The following LUZP2 variants were observed in gnomAD, a reference collection of about 807,000 sequenced individuals.
LUZP2 encodes leucine zipper protein 2.
LUZP2 carries 52 observed loss-of-function variants against 51.6 expected under a neutral mutation model. That is an observed-to-expected ratio of 1.01 (90% CI 0.81 to 1.27). The LOEUF is 1.27. Ranked by LOEUF, LUZP2 falls within the 50% of genes most tolerant of loss-of-function variation. The pLI is 0.00. For synonymous variants in LUZP2, 154 were observed against 137.3 expected, an observed-to-expected ratio of 1.12 and a Z score of -0.85; for missense variants, 436 against 395.4, an observed-to-expected ratio of 1.10 and a Z score of -0.87.
intron 1 of LUZP2, among the ~76,000 whole-genome samples, chr11:24,715,810 C>T (rs1858021885): frequency 6.6e-6 from 1 of 151,978 alleles, no homozygotes; most frequent in Non-Finnish European, 1.5e-5. Flanking sequence ...TTAATGTTTG[C>T]ATATATTTTT....
rs147662548 is a variant in LUZP2 at position 24,994,024 on chromosome 11, C to T, written c.765+10731C>T. ...TACAGGCACGTGCCAACACGCCCGA[C>T]TAATTTTTGTATTTTTAGTAAAGAT... is the stretch of plus-strand genomic sequence containing the variant. On this transcript the variant is annotated intron_variant, in intron 9 of 11. Transcript: ENST00000336930. Among the ~76,000 whole-genome samples the T allele has an allele frequency of 7.7e-3, 1,169 of 152,196 alleles. 34 individuals are homozygous for T. In the East Asian group the frequency reaches 0.099, roughly 13 times the overall value.
intron 5 of LUZP2, among the ~76,000 whole-genome samples, chr11:24,839,064 A>T (rs577866058): frequency 6.6e-6 from 1 of 151,660 alleles, no homozygotes; most frequent in Non-Finnish European, 1.5e-5. Flanking sequence ...ATTCAAATTT[A>T]TGTATGAGGA....
intron 5 of LUZP2, among the ~76,000 whole-genome samples, chr11:24,796,020 A>T (rs891817485): frequency 3.3e-5 from 5 of 152,100 alleles, no homozygotes; most frequent in African/African-American, 1.2e-4. Flanking sequence ...ATACTGTATA[A>T]ACTTATTTTG....
intron 9 of LUZP2, among the ~76,000 whole-genome samples, chr11:25,007,222 G>A (rs978791876): frequency 7.2e-5 from 11 of 152,056 alleles, no homozygotes; most frequent in Non-Finnish European, 1.0e-4. Context: ...AAGCCCAGCC[G>A]GGTTCACCTC....
intron 3 of LUZP2, among the ~76,000 whole-genome samples, chr11:24,735,332 T>C (rs974116432): frequency 6.6e-6 from 1 of 151,766 alleles, no homozygotes; most frequent in African/African-American, 2.4e-5. Context: ...TTTTAAACCA[T>C]ACCATGCCAG....
chr11:24,931,713 CCTT>C (rs1854461724), intron 7 of LUZP2, among the ~76,000 whole-genome samples: 1 of 152,108 alleles, frequency 6.6e-6, no homozygotes, highest in South Asian at 2.1e-4. Flanking sequence ...TAACAATTGA[CCTT>C]CTGAATTCTT....
At chr11:24,546,240 G>C (rs1434572841) in intron 1 of LUZP2, among the ~76,000 whole-genome samples, 4 of 152,046 alleles carry the variant, frequency 2.6e-5, no homozygotes, top group Non-Finnish European at 4.4e-5. Flanking sequence ...AGGATAGTTT[G>C]ACTTCTTCTC....
intron 1 of LUZP2, among the ~76,000 whole-genome samples, chr11:24,544,272 C>T (rs1432578805): frequency 1.3e-5 from 2 of 151,940 alleles, no homozygotes; most frequent in Non-Finnish European, 2.9e-5. Flanking sequence ...GGTAGGCTAA[C>T]ATTCTAAATA....
chr11:24,827,313 C>A (rs530655263), intron 5 of LUZP2, among the ~76,000 whole-genome samples: 11 of 152,112 alleles, frequency 7.2e-5, no homozygotes, highest in Non-Finnish European at 1.5e-4. Context: ...TTCTTCAGGC[C>A]CAAGATAACT....
In LUZP2 at chr11:24,841,494, G is replaced by A. The variant is rs1590624856; in HGVS notation, c.397-64497G>A. On this transcript the variant is annotated intron_variant, in intron 5 of 11. Transcript: ENST00000336930. ...TATGGTAGGTAAGAATTCAAAAAAGGTAAAGTGGTAGCAGGTAGAATTCTA... is the reference window on the plus strand; with the variant it reads ...TATGGTAGGTAAGAATTCAAAAAAGATAAAGTGGTAGCAGGTAGAATTCTA... Among the ~76,000 whole-genome samples the A allele has an allele frequency of 3.9e-5, 6 of 152,156 alleles. No homozygotes were observed. The South Asian group carries it at 1.2e-3, about 32-fold the overall frequency.
intron 5 of LUZP2, among the ~76,000 whole-genome samples, chr11:24,826,069 G>A (rs975621816): frequency 1.3e-5 from 2 of 149,940 alleles, no homozygotes; most frequent in Non-Finnish European, 3.0e-5. Flanking sequence ...GCTACTACTC[G>A]GGAGGCTGAG....
At chr11:24,583,541 G>C (rs749066195) in intron 1 of LUZP2, among the ~76,000 whole-genome samples, 1 of 151,992 alleles carries the variant, frequency 6.6e-6, no homozygotes, top group African/African-American at 2.4e-5. Context: ...CAGACTATTT[G>C]GCACCCCATG....
chr11:24,875,049 G>T (rs1308744619), intron 5 of LUZP2, among the ~76,000 whole-genome samples: 3 of 151,986 alleles, frequency 2.0e-5, no homozygotes, highest in Admixed American at 6.6e-5. Context: ...GGAGACGCTA[G>T]CCCCTTTCAA....
At chr11:25,058,429 A>G (rs1464034734) in intron 10 of LUZP2, among the ~76,000 whole-genome samples, 1 of 152,194 alleles carries the variant, frequency 6.6e-6, no homozygotes, top group Non-Finnish European at 1.5e-5. Context: ...ATCATTGGCC[A>G]AACAATAACG....
chr11:24,687,145 C>T (rs919083498), intron 1 of LUZP2, among the ~76,000 whole-genome samples: 1 of 152,130 alleles, frequency 6.6e-6, no homozygotes, highest in African/African-American at 2.4e-5. Context: ...TCTGTTCTTA[C>T]TGTAGTTTTA....
intron 5 of LUZP2, among the ~76,000 whole-genome samples, chr11:24,873,689 TG>T (rs955153057): frequency 2.0e-5 from 3 of 152,184 alleles, no homozygotes; most frequent in African/African-American, 7.2e-5. Flanking sequence ...CCTTATTATT[TG>T]GGAGACAATT....
intron 7 of LUZP2, among the ~76,000 whole-genome samples, chr11:24,935,817 A>G (rs919316668): frequency 1.3e-5 from 2 of 152,190 alleles, no homozygotes; most frequent in Admixed American, 6.5e-5. Context: ...AAGAATGGTA[A>G]AATGGTTACC....
chr11:25,021,856 C>T (rs924365565), intron 9 of LUZP2, among the ~76,000 whole-genome samples: 2 of 152,046 alleles, frequency 1.3e-5, no homozygotes, highest in South Asian at 2.1e-4. Context: ...TATGAAGCTA[C>T]TACCCTCTAA....
intron 9 of LUZP2, among the ~76,000 whole-genome samples, chr11:25,029,716 T>G (rs7935430): frequency 1 from 146,054 of 146,060 alleles, 73,024 homozygotes; most frequent in Middle Eastern, 1. Context: ...CAGCCTGGAT[T>G]ACAGAGAGAG....
Sources: gnomAD v4.1 joint callset for allele counts (sites outside exome capture counted in the v4.1 genomes callset) on GRCh38, gnomAD v4.1.1 for gene constraint, MANE v1.5 for transcripts, NCBI Gene and HGNC (gene_info 2026-07-23, HGNC 2026-07-21) for gene names.